The following IL6R variants were observed in gnomAD, a reference collection of about 807,000 sequenced individuals.
The protein encoded by IL6R is interleukin-6 receptor subunit alpha.
In IL6R, 38 loss-of-function variants were observed where a neutral mutation model predicts 48.3. That is an observed-to-expected ratio of 0.79 (90% CI 0.61 to 1.03). The LOEUF (loss-of-function observed/expected upper bound fraction) is 1.03. Among genes scored for constraint, IL6R ranks in the 50% least tolerant of loss-of-function variants. The pLI, the probability that IL6R is intolerant of heterozygous loss-of-function variation, is 0.00. For missense variants in IL6R, 534 were observed against 618.3 expected (o/e 0.86, Z 1.45); for synonymous variants, 264 against 256.2 (o/e 1.03, Z -0.29).
chr1:154,413,769 CT>C (rs1266706392), intron 1 of IL6R, among the ~76,000 whole-genome samples: 1,164 of 111,704 alleles, frequency 0.01, 10 homozygotes, highest in African/African-American at 0.029. Context: ...TCATACATGA[CT>C]TTTTTTTTTT....
At chr1:154,454,952 C>T (rs888077239) in intron 9 of IL6R, among the ~76,000 whole-genome samples, 3 of 152,118 alleles carry the variant, frequency 2.0e-5, no homozygotes, top group Non-Finnish European at 4.4e-5. Context: ...CACTCTGTCA[C>T]CCAGGCTGGA....
Position 154,468,770 on chromosome 1 carries a change from G to A in IL6R, c.*3390G>A, listed in dbSNP as rs908344525. ...TCTATGGGTTTGTTTCCTGGAGAAT[G>A]TTCAGGAATGTCTTCCCAGCTGCTT... is the stretch of plus-strand genomic sequence containing the variant. On this transcript the variant is annotated 3_prime_UTR_variant, in exon 10 of 10. Coordinates refer to ENST00000368485, the MANE Select transcript of IL6R (RefSeq NM_000565.4). The A allele has an allele frequency of 7.9e-5, 12 of 152,306 alleles. No individual in the cohort carries two copies. The highest frequency in any genetic ancestry group is 2.7e-4 in the African/African-American group (11 of 41,454). 9.4% of individuals were successfully genotyped at this position (152,306 alleles called of 1,614,324 possible).
At chr1:154,434,796 G>C (rs1689515881) in intron 4 of IL6R, 96 bp downstream of exon 4, 24 of 1,343,700 alleles carry the variant, frequency 1.8e-5, no homozygotes, top group Non-Finnish European at 2.4e-5. Flanking sequence ...GGGTGGTTGA[G>C]GGGTTTGGTG....
At chr1:154,455,455 C>CTTTTTT (rs201098458) in intron 9 of IL6R, among the ~76,000 whole-genome samples, 23 of 128,424 alleles carry the variant, frequency 1.8e-4, no homozygotes, top group East Asian at 4.5e-4. Flanking sequence ...CTTTTCTTTT[C>CTTTTTT]TTTTTTTTTT....
intron 9 of IL6R, among the ~76,000 whole-genome samples, chr1:154,455,089 T>A (rs1180671363): frequency 6.6e-6 from 1 of 152,154 alleles, no homozygotes; most frequent in African/African-American, 2.4e-5. Flanking sequence ...AATTTTTCTA[T>A]TTTTTGTTGA....
rs1179625145 is a variant in IL6R, at chr1:154,465,170, A to G, written c.1197A>G (p.Glu399=). 1 of 1,614,172 alleles carries G rather than the reference A, an allele frequency of 6.2e-7. No individual in the cohort carries two copies. Among genetic ancestry groups the G allele is most frequent in the South Asian group, 1.1e-5 (1 of 91,078 alleles). ...KKTWKLRALK[E]GKTSMHPPYS... is the part of the protein sequence containing the mutation. ...CGTGGAAGCTGCGGGCTCTGAAGGA[A>G]GGCAAGACAAGCATGCATCCGCCGT... The change falls in exon 10 of 10, where the codon GAA becomes GAG. Residue 399 remains glutamate (E), a synonymous_variant. Coordinates refer to ENST00000368485, the MANE Select transcript of IL6R (RefSeq NM_000565.4).
chr1:154,457,989 C>T (rs182176958), intron 9 of IL6R, among the ~76,000 whole-genome samples: 7,597 of 126,702 alleles, frequency 0.06, 707 homozygotes, highest in African/African-American at 0.21. Context: ...TTTTTTGAGA[C>T]GGAGTCTCGC....
intron 1 of IL6R, among the ~76,000 whole-genome samples, chr1:154,415,513 AC>A (rs1272444570): frequency 1.3e-5 from 2 of 152,206 alleles, no homozygotes; most frequent in African/African-American, 4.8e-5. Context: ...AATTGTCTGG[AC>A]TTGAATGCAG....
chr1:154,444,624 G>A (rs1690113883), intron 6 of IL6R, among the ~76,000 whole-genome samples: 1 of 152,198 alleles, frequency 6.6e-6, no homozygotes. Flanking sequence ...TTGGTCAGGC[G>A]TGGTGGCTCA....
At chr1:154,448,757 G>A (rs945327731) in intron 7 of IL6R, among the ~76,000 whole-genome samples, 1 of 152,024 alleles carries the variant, frequency 6.6e-6, no homozygotes, top group Non-Finnish European at 1.5e-5. Context: ...CTCCCAACAC[G>A]GGTTCTGGGG....
At position 154,435,978 on chromosome 1, in the gene IL6R, C is replaced by T; in HGVS notation, c.817C>T (p.Leu273Phe). The change falls in exon 6 of 10, where the codon CTC becomes TTC. Residue 273 changes from leucine to phenylalanine, a missense_variant. Leu to Phe is a conservative substitution (Grantham distance 22). Transcript: ENST00000368485. ...GTGCCCCCGCCCTCAGGTCAAGGACCTCCAGCATCACTGTGTCATCCACGA... is the reference window on the plus strand; with the variant it reads ...GTGCCCCCGCCCTCAGGTCAAGGACTTCCAGCATCACTGTGTCATCCACGA... The part of the protein sequence containing the change: ...KTFTTWMVKD[L>F]QHHCVIHDAW... The T allele has an allele frequency of 1.9e-6, 3 of 1,605,498 alleles. No homozygotes were observed. Among genetic ancestry groups the T allele is most frequent in the Non-Finnish European group, 1.7e-6 (2 of 1,173,602 alleles).
At chr1:154,430,385 G>A (rs1689223552) in intron 2 of IL6R, 98 bp from the exon 3 acceptor site, 1 of 1,479,254 alleles carries the variant, frequency 6.8e-7, no homozygotes, top group Non-Finnish European at 9.1e-7. Context: ...GAGGGGCCCA[G>A]CCACGTGCTC....
At chr1:154,410,132 C>T (rs1219494238) in intron 1 of IL6R, among the ~76,000 whole-genome samples, 1 of 152,156 alleles carries the variant, frequency 6.6e-6, no homozygotes, top group East Asian at 1.9e-4. Context: ...AACAAGTCCT[C>T]AGCCCTTTAG....
At chr1:154,415,472 C>T (rs765075528) in intron 1 of IL6R, among the ~76,000 whole-genome samples, 3 of 152,144 alleles carry the variant, frequency 2.0e-5, no homozygotes, top group Non-Finnish European at 2.9e-5. Flanking sequence ...CTTGGCATAG[C>T]GAGTAGTTAA....
Position 154,465,139 on chromosome 1 carries a change from A to G in IL6R, c.1166A>G (p.Lys389Arg), listed in dbSNP as rs151155578. ...LLCIAIVLRF[K>R]KTWKLRALKE... ...CTTTGTGTGTTTGTGTGAAGGTTCA[A>G]GAAGACGTGGAAGCTGCGGGCTCTG... The change falls in exon 10 of 10, where the codon AAG (lysine) becomes AGG (arginine). Residue 389 changes from lysine to arginine, a missense_variant. By Grantham distance (26) the Lys-to-Arg change is conservative. Transcript: ENST00000368485. The G allele has an allele frequency of 3.0e-5, 49 of 1,614,072 alleles. No homozygotes were observed. The highest frequency in any genetic ancestry group is 4.1e-5 in the Non-Finnish European group (48 of 1,180,044).
At chr1:154,433,705 T>G (rs1347801619) in intron 3 of IL6R, among the ~76,000 whole-genome samples, 1 of 150,464 alleles carries the variant, frequency 6.6e-6, no homozygotes, top group Non-Finnish European at 1.5e-5. Flanking sequence ...GCTAGTTTCC[T>G]CATCTCTAGA....
At chr1:154,426,920 T>TA (rs34172480) in intron 1 of IL6R, among the ~76,000 whole-genome samples, 2 of 54,262 alleles carry the variant, frequency 3.7e-5, no homozygotes, top group East Asian at 5.1e-4. Flanking sequence ...GGACTCAGAA[T>TA]TTTTTTTTTT....
chr1:154,446,048 A>G (rs138110402), intron 6 of IL6R, among the ~76,000 whole-genome samples: 315 of 152,082 alleles, frequency 2.1e-3, no homozygotes, highest in African/African-American at 7.3e-3. Context: ...TACAGGTGTG[A>G]GTCCGGCCTG....
chr1:154,464,156 C>CT (rs763486598), intron 9 of IL6R, among the ~76,000 whole-genome samples: 1,328 of 78,328 alleles, frequency 0.017, 30 homozygotes, highest in African/African-American at 0.04. Flanking sequence ...CTTTCCTTTT[C>CT]TTTTTTTTTA....
Sources: gnomAD v4.1 joint callset for allele counts (sites outside exome capture counted in the v4.1 genomes callset) on GRCh38, gnomAD v4.1.1 for gene constraint, MANE v1.5 for transcripts, NCBI Gene and HGNC (gene_info 2026-07-23, HGNC 2026-07-21) for gene names.